CEP78: variants seen among roughly 807,000 people sequenced by gnomAD.
CEP78 encodes centrosomal protein of 78 kDa.
A neutral mutation model predicts 81.2 loss-of-function variants in CEP78; 76 were observed. The observed-to-expected ratio is 0.94, with a 90% CI of 0.78 to 1.13. The LOEUF (loss-of-function observed/expected upper bound fraction) is 1.13. CEP78 is among the 50% of genes most tolerant of loss of function. The probability of loss-of-function intolerance (pLI) is 0.00; values close to 1 mark genes in which losing one functional copy is unlikely to be tolerated. For missense variants in CEP78, 918 were observed against 846.8 expected (o/e 1.08, Z -1.04); for synonymous variants, 293 against 301.4 (o/e 0.97, Z 0.29).
At chr9:78,245,301 G>A (rs992701736) in intron 5 of CEP78, among the ~76,000 whole-genome samples, 1 of 152,114 alleles carries the variant, frequency 6.6e-6, no homozygotes, top group Non-Finnish European at 1.5e-5. Flanking sequence ...AGAAGCCCAA[G>A]ATCCAGATGC....
chr9:78,236,823 C>T (rs180710824), intron 1 of CEP78, among the ~76,000 whole-genome samples: 1 of 152,126 alleles, frequency 6.6e-6, no homozygotes, highest in African/African-American at 2.4e-5. Flanking sequence ...CGCAAGGATT[C>T]CCTGCGCTGC....
At chr9:78,245,529 C>T (rs1379418713) in intron 5 of CEP78, among the ~76,000 whole-genome samples, 1 of 152,172 alleles carries the variant, frequency 6.6e-6, no homozygotes, top group Non-Finnish European at 1.5e-5. Context: ...TTTCAATATA[C>T]ATTTTTGGGG....
At chr9:78,242,519 A>G (rs1381879241) in intron 4 of CEP78, among the ~76,000 whole-genome samples, 2 of 152,222 alleles carry the variant, frequency 1.3e-5, no homozygotes, top group Non-Finnish European at 2.9e-5. Context: ...AATGTGTATA[A>G]TAAGAAAACC....
intron 1 of CEP78, among the ~76,000 whole-genome samples, chr9:78,237,729 A>C (rs1826023495): frequency 6.6e-6 from 1 of 152,230 alleles, no homozygotes; most frequent in Non-Finnish European, 1.5e-5. Flanking sequence ...GTAGGAGCTC[A>C]GTCTAGCCTC....
chr9:78,267,137 T>C (rs747159478), intron 16 of CEP78: 3 of 901,972 alleles, frequency 3.3e-6, no homozygotes. Flanking sequence ...TACTTTTTAT[T>C]ATAGTGAAAT....
At position 78,266,510 on chromosome 9, in the gene CEP78, T is replaced by TC. The variant is rs755246903; in HGVS notation, c.1916dup (p.Glu640ArgfsTer16). ...ACTCCTTTCCTGTCCCAGTTTCTAC[T>TC]CCAGAGGGCTTAGGAACTTCCAGCA... is the stretch of plus-strand genomic sequence containing the variant. On this transcript the variant is annotated frameshift_variant, in exon 16 of 17. Transcript: ENST00000643273. LOFTEE classifies it high-confidence loss of function. 111 of 1,613,710 alleles carry TC rather than the reference T, an allele frequency of 6.9e-5. 1 individual carries two copies. Among genetic ancestry groups the TC allele is most frequent in the Non-Finnish European group, 9.2e-5 (108 of 1,179,690 alleles).
chr9:78,247,296 T>G (rs1826538811), intron 6 of CEP78, among the ~76,000 whole-genome samples: 1 of 152,118 alleles, frequency 6.6e-6, no homozygotes, highest in South Asian at 2.1e-4. Flanking sequence ...AGATAGGTTT[T>G]TTAGGGGACA....
rs1827729831 is a variant in CEP78, at chr9:78,273,160, C to A, written c.*2309C>A. The A allele has an allele frequency of 6.6e-6, 1 of 152,166 alleles. No homozygotes were observed. Among genetic ancestry groups the A allele is most frequent in the South Asian group, 2.1e-4 (1 of 4,832 alleles). The allele number at this position is 152,166 out of a possible 1,614,324, so 9.4% of individuals were successfully genotyped here. On this transcript the variant is annotated 3_prime_UTR_variant, in exon 17 of 17. Transcript: ENST00000643273. ...CAATATAGCAAGATCAAGTTTTTTA[C>A]TCATAATAAACATGAACAGGTTAAA...
rs772432009 is a variant in CEP78 at position 78,277,288 on chromosome 9, A to C, written c.*6437A>C. On this transcript the variant is annotated 3_prime_UTR_variant, in exon 17 of 17. Coordinates refer to ENST00000643273, the MANE Select transcript of CEP78 (RefSeq NM_001330691.3). ...ACCCAGTAGCCATGAAAAAAAAGAT[A>C]GATTTGACTACATTTTTAAAAAGTA... 3 of 152,176 alleles carry C rather than the reference A, an allele frequency of 2.0e-5. No homozygotes were observed. The highest frequency in any genetic ancestry group is 7.2e-5 in the African/African-American group (3 of 41,458). 9.4% of individuals were successfully genotyped at this position (152,176 alleles called of 1,614,324 possible). A position where few individuals can be genotyped will look rare whatever the true frequency, so the allele number is the denominator to read the frequency against.
chr9:78,264,274 T>C lies in CEP78; in HGVS notation c.1583T>C (p.Phe528Ser). ...EGVLGSIENS[F>S]QKFHAFLDLL... ...GTTTTGGGCAGCATTGAGAATTCTT[T>C]TCAGAAGTTTCATGCTTTCTTGGAT... The change falls in exon 13 of 17, where the codon TTT (phenylalanine) becomes TCT (serine). Residue 528 changes from phenylalanine to serine, a missense_variant. By Grantham distance (155) the Phe-to-Ser change is radical (BLOSUM62 -2). Transcript: ENST00000643273. 1.9e-6 allele frequency: 3 copies of C among 1,613,204 alleles called. No individual in the cohort carries two copies. Among genetic ancestry groups the C allele is most frequent in the Non-Finnish European group, 1.7e-6 (2 of 1,179,490 alleles).
At chr9:78,261,466 G>C (rs1286890845) in intron 11 of CEP78, among the ~76,000 whole-genome samples, 2 of 152,210 alleles carry the variant, frequency 1.3e-5, no homozygotes, top group Non-Finnish European at 2.9e-5. Context: ...TCGTTTTTAA[G>C]TAGTGGAATG....
rs1825922968 is a variant in CEP78, at chr9:78,236,297, G to A, written c.-54G>A. The A allele has an allele frequency of 8.7e-6, 13 of 1,494,312 alleles. No individual in the cohort carries two copies. In the South Asian group the frequency reaches 1.5e-4, roughly 17 times the overall value. 92.6% of individuals were successfully genotyped at this position (1,494,312 alleles called of 1,614,324 possible). ...CCGGGTTGCGACTCAGCGTTCTTGG[G>A]TGGGCGCGGGCGGCGTCTCCGCGGC... On this transcript the variant is annotated 5_prime_UTR_variant, in exon 1 of 17. It adds an upstream start codon to the 5' untranslated region. Coordinates refer to ENST00000643273, the MANE Select transcript of CEP78 (RefSeq NM_001330691.3).
rs546042670 is a variant in CEP78, at chr9:78,247,411, G to GTAGT, written c.892+632_892+635dup. 3.0e-3 allele frequency among the ~76,000 whole-genome samples: 461 copies of GTAGT among 152,292 alleles called. 1 individual carries two copies. Among genetic ancestry groups the GTAGT allele is most frequent in the African/African-American group, 0.011 (449 of 41,546 alleles). On this transcript the variant is annotated intron_variant, in intron 6 of 16. Transcript: ENST00000643273. ...TCCAGGATGAGGAAGCAATGAATAT[G>GTAGT]TAGTTACATAGGTGGCAGGGTGGAT...
chr9:78,261,178 G>C (rs1827257482), intron 11 of CEP78, among the ~76,000 whole-genome samples: 1 of 151,976 alleles, frequency 6.6e-6, no homozygotes, highest in African/African-American at 2.4e-5. Flanking sequence ...CTGACCTTGT[G>C]ATCTGCCTGC....
At chr9:78,264,012 G>T in intron 12 of CEP78, 138 bp from the exon 13 acceptor site, 1 of 508,060 alleles carries the variant, frequency 2.0e-6, no homozygotes, top group Non-Finnish European at 3.3e-6. Context: ...TATTTAATAT[G>T]GTCTGTCTTT....
In CEP78 at chr9:78,265,409, T is replaced by C; in HGVS notation, c.1663T>C (p.Ser555Pro). The change falls in exon 14 of 17, where the codon TCA (serine) becomes CCA (proline). Residue 555 changes from serine (S) to proline (P), a missense_variant. Physicochemically the swap from Ser to Pro is moderately conservative, Grantham distance 74. Transcript: ENST00000643273. ...QLATMAGIDQ[S>P]DFQLLGHPQM... ...TGCCACAATGGCTGGGATAGATCAG[T>C]CAGATTTTCAATTACTAGGTCATCC... The C allele has an allele frequency of 6.2e-7, 1 of 1,606,870 alleles. No homozygotes were observed. Among genetic ancestry groups the C allele is most frequent in the Non-Finnish European group, 8.5e-7 (1 of 1,176,894 alleles).
Position 78,246,548 on chromosome 9 carries a change from G to A in CEP78, c.779-121G>A, listed in dbSNP as rs991731864. 3.6e-5 allele frequency: 19 copies of A among 527,382 alleles called. No individual in the cohort carries two copies. In the South Asian group the frequency reaches 4.4e-4, roughly 12 times the overall value. 32.7% of individuals were successfully genotyped at this position (527,382 alleles called of 1,614,324 possible). ...CTGGGAGGCAGAGCTTGCAGTGAGCGGAGATAGTGCCACTGCACTCCAGCC... is the reference window on the plus strand; with the variant it reads ...CTGGGAGGCAGAGCTTGCAGTGAGCAGAGATAGTGCCACTGCACTCCAGCC... On this transcript the variant is annotated intron_variant, in intron 5 of 16. Transcript: ENST00000643273.
At chr9:78,270,802 T>C in intron 16 of CEP78, 39 bp from the exon 17 acceptor site, 1 of 668,006 alleles carries the variant, frequency 1.5e-6, no homozygotes, top group Non-Finnish European at 2.7e-6. Flanking sequence ...TGCTGGAACA[T>C]TAACATGGAT....
intron 12 of CEP78, among the ~76,000 whole-genome samples, chr9:78,263,445 G>C (rs2118452795): frequency 6.6e-6 from 1 of 152,270 alleles, no homozygotes; most frequent in African/African-American, 2.4e-5. Context: ...ATGTGCATAA[G>C]AGCAGGGCAT....
Sources: gnomAD v4.1 joint callset for allele counts (sites outside exome capture counted in the v4.1 genomes callset) on GRCh38, gnomAD v4.1.1 for gene constraint, MANE v1.5 for transcripts, NCBI Gene and HGNC (gene_info 2026-07-23, HGNC 2026-07-21) for gene names.